The following MAD1L1 variants were observed in gnomAD, a reference collection of about 807,000 sequenced individuals.
MAD1L1 encodes mitotic spindle assembly checkpoint protein MAD1.
A neutral mutation model predicts 96.9 loss-of-function variants in MAD1L1; 95 were observed. The observed-to-expected ratio is 0.98, with a 90% CI of 0.83 to 1.16. The LOEUF is 1.16. Among genes scored for constraint, MAD1L1 ranks in the 50% most tolerant of loss-of-function variants. MAD1L1 has a pLI of 0.00. For missense variants in MAD1L1, 1,007 were observed against 954.4 expected (o/e 1.06, Z -0.73); for synonymous variants, 473 against 396.6 (o/e 1.19, Z -2.29).
chr7:2,174,105 G>A (rs1360455108), intron 10 of MAD1L1, among the ~76,000 whole-genome samples: 1 of 152,214 alleles, frequency 6.6e-6, no homozygotes, highest in Non-Finnish European at 1.5e-5. Context: ...CAGGTATGAA[G>A]CACCATGCCT....
At chr7:2,169,073 C>T (rs1213290455) in intron 10 of MAD1L1, among the ~76,000 whole-genome samples, 1 of 152,174 alleles carries the variant, frequency 6.6e-6, no homozygotes, top group East Asian at 1.9e-4. Context: ...CAGGAAGAAC[C>T]GGAAACAACC....
intron 10 of MAD1L1, among the ~76,000 whole-genome samples, chr7:2,197,415 A>C (rs1292680522): frequency 1.3e-5 from 2 of 152,158 alleles, no homozygotes; most frequent in Non-Finnish European, 2.9e-5. Context: ...AGTGAAGAAG[A>C]GGAAGAAACC....
At chr7:1,930,574 C>T (rs1304862843) in intron 17 of MAD1L1, among the ~76,000 whole-genome samples, 2 of 121,878 alleles carry the variant, frequency 1.6e-5, no homozygotes, top group Non-Finnish European at 1.7e-5. Flanking sequence ...CCCACCTCAC[C>T]GCTGCGTCCC....
intron 16 of MAD1L1, chr7:1,940,414 G>C (rs772182255): frequency 2.0e-5 from 3 of 152,250 alleles, no homozygotes; most frequent in African/African-American, 7.2e-5. Flanking sequence ...TTTCACAGCC[G>C]GGGTTAAGAT....
chr7:1,881,121 C>A (rs1405249694), intron 18 of MAD1L1, among the ~76,000 whole-genome samples: 1 of 152,214 alleles, frequency 6.6e-6, no homozygotes, highest in Admixed American at 6.5e-5. Context: ...TGAGCCATGA[C>A]AAAGTCCTCC....
intron 15 of MAD1L1, among the ~76,000 whole-genome samples, chr7:1,964,755 G>A (rs1183055481): frequency 2.6e-5 from 4 of 152,212 alleles, no homozygotes; most frequent in South Asian, 2.1e-4. Flanking sequence ...GAGGGTAGCC[G>A]GGATCTTGCT....
At chr7:2,105,467 G>A (rs975056160) in intron 11 of MAD1L1, among the ~76,000 whole-genome samples, 3 of 152,098 alleles carry the variant, frequency 2.0e-5, no homozygotes, top group Non-Finnish European at 4.4e-5. Flanking sequence ...CACAGCCTGC[G>A]CTGGGGCAAG....
At position 2,146,160 on chromosome 7, in the gene MAD1L1, G is replaced by A. The variant is rs1789288437; in HGVS notation, c.1073+2992C>T. Among the ~76,000 whole-genome samples, 1 of 152,218 alleles carries A rather than the reference G, an allele frequency of 6.6e-6. No individual in the cohort carries two copies. Among genetic ancestry groups the A allele is most frequent in the African/African-American group, 2.4e-5 (1 of 41,456 alleles). On this transcript the variant is annotated intron_variant, in intron 11 of 18. Coordinates refer to ENST00000265854, the MANE Select transcript of MAD1L1 (RefSeq NM_001013836.2). This position sits in a 1 kb window ranked among gnomAD's most constrained non-coding sequence, Gnocchi z 6.2. ...CACGAATGACCCAGCCGTCACTTCA[G>A]AAGCTCGGCCTGAGGCACAAGCATT...
intron 11 of MAD1L1, among the ~76,000 whole-genome samples, chr7:2,106,024 C>CCGCGCCTGCCCCACACATGGCCG: frequency 1.3e-5 from 2 of 149,674 alleles, no homozygotes; most frequent in Non-Finnish European, 3.0e-5. Context: ...ACACATGGCC[C>CCGCGCCTGCCCCACACATGGCCG]CGCCCCTCCA....
intron 10 of MAD1L1, among the ~76,000 whole-genome samples, chr7:2,201,283 C>A (rs1171467685): frequency 7.0e-6 from 1 of 142,126 alleles, no homozygotes; most frequent in African/African-American, 2.5e-5. Flanking sequence ...TCGGCTGGCG[C>A]TGGCTTCAAG....
chr7:2,025,781 AAAG>A (rs1179010053), intron 12 of MAD1L1, among the ~76,000 whole-genome samples: 3 of 152,242 alleles, frequency 2.0e-5, no homozygotes, highest in Non-Finnish European at 4.4e-5. Context: ...TCTAGAAGGA[AAAG>A]AAGTATTAAT....
intron 11 of MAD1L1, among the ~76,000 whole-genome samples, chr7:2,147,884 G>A (rs763945613): frequency 3.3e-5 from 5 of 152,238 alleles, no homozygotes; most frequent in Non-Finnish European, 7.3e-5. Context: ...TGCTGGTCAA[G>A]GCAAATAATT....
At chr7:2,038,845 A>G (rs926232601) in intron 12 of MAD1L1, among the ~76,000 whole-genome samples, 4 of 152,098 alleles carry the variant, frequency 2.6e-5, no homozygotes, top group African/African-American at 7.2e-5. Context: ...CCAATTACAG[A>G]TTCACTTGGA....
chr7:1,917,313 G>A (rs144346312), intron 17 of MAD1L1, among the ~76,000 whole-genome samples: 327 of 152,266 alleles, frequency 2.1e-3, no homozygotes, highest in African/African-American at 7.0e-3. Context: ...GCACACGTGC[G>A]CTGTGCTCAC....
intron 10 of MAD1L1, among the ~76,000 whole-genome samples, chr7:2,184,194 G>T (rs915703959): frequency 2.5e-4 from 38 of 152,124 alleles, no homozygotes; most frequent in Non-Finnish European, 1.2e-4. Context: ...GGAGCTTGCA[G>T]TGAGTGGAGA....
chr7:1,993,776 G>C lies in MAD1L1; in HGVS notation c.1416+8289C>G, dbSNP rs145808800. 3.4e-4 allele frequency among the ~76,000 whole-genome samples: 52 copies of C among 152,304 alleles called. No homozygotes were observed. The East Asian group carries it at 9.4e-3, about 28-fold the overall frequency. On this transcript the variant is annotated intron_variant, in intron 14 of 18. Transcript: ENST00000265854. ...TTGCAAACTGGTAAAAACTGAAAAG[G>C]CTGGGTCCTCACACTGGGAAAGGGG...
intron 12 of MAD1L1, among the ~76,000 whole-genome samples, chr7:2,019,685 C>T (rs1175220873): frequency 2.0e-5 from 3 of 151,830 alleles, no homozygotes; most frequent in Non-Finnish European, 2.9e-5. Flanking sequence ...GGCCACGCCT[C>T]GCCACCCTCC....
intron 18 of MAD1L1, among the ~76,000 whole-genome samples, chr7:1,865,861 G>C (rs969927749): frequency 6.6e-6 from 1 of 152,200 alleles, no homozygotes; most frequent in Admixed American, 6.5e-5. Flanking sequence ...TGGGGGCTTC[G>C]GGGCTCCACG....
intron 11 of MAD1L1, among the ~76,000 whole-genome samples, chr7:2,141,476 T>C (rs1052593335): frequency 5.3e-5 from 8 of 152,206 alleles, no homozygotes; most frequent in Admixed American, 2.0e-4. Context: ...GAACCCGGCA[T>C]TGGCAGGATG....
Sources: gnomAD v4.1 joint callset for allele counts (sites outside exome capture counted in the v4.1 genomes callset) on GRCh38, gnomAD v4.1.1 for gene constraint, Gnocchi (gnomAD v3.1) non-coding constraint, MANE v1.5 for transcripts, NCBI Gene and HGNC (gene_info 2026-07-23, HGNC 2026-07-21) for gene names.